Variants in AFAP1 observed in about 807,000 individuals in gnomAD.
AFAP1 encodes actin filament associated protein 1, also known as actin filament-associated protein 1.
AFAP1 carries 75 observed loss-of-function variants against 93.9 expected under a neutral mutation model. The ratio of observed to expected loss-of-function variants is 0.80; its 90% CI spans 0.66 to 0.97. The LOEUF (loss-of-function observed/expected upper bound fraction) is 0.97, where lower values mean the gene tolerates loss of function less well. Among genes scored for constraint, AFAP1 ranks in the 50% least tolerant of loss-of-function variants. The pLI is 0.00. For missense variants in AFAP1, 1,201 were observed against 1,050.8 expected (o/e 1.14, Z -1.98); for synonymous variants, 517 against 430.7 (o/e 1.20, Z -2.48).
intron 1 of AFAP1, among the ~76,000 whole-genome samples, chr4:7,923,836 A>G (rs1361535356): frequency 1.3e-5 from 2 of 152,016 alleles, no homozygotes; most frequent in Non-Finnish European, 2.9e-5. Flanking sequence ...TCTAACCCTA[A>G]TCACCTCCCA....
chr4:7,863,778 G>C (rs114533425), intron 3 of AFAP1, among the ~76,000 whole-genome samples: 1 of 152,124 alleles, frequency 6.6e-6, no homozygotes, highest in East Asian at 1.9e-4. Flanking sequence ...AACCTTATTT[G>C]TTAAAGAGTT....
chr4:7,759,559 T>C lies in AFAP1; in HGVS notation c.*4206A>G, dbSNP rs2285769. On this transcript the variant is annotated 3_prime_UTR_variant, in exon 18 of 18. Coordinates refer to ENST00000420658, the MANE Select transcript of AFAP1 (RefSeq NM_001134647.2). ...GCCCACCAAGGGGATAAGAAGACAG[T>C]GACAACCAGGAAAAAATGAATTATC... The C allele has an allele frequency of 0.1, 15,786 of 152,652 alleles. 1,344 individuals are homozygous for C. The highest frequency in any genetic ancestry group is 0.49 in the East Asian group (2,514 of 5,174). The allele number at this position is 152,652 out of a possible 1,614,324, so 9.5% of individuals were successfully genotyped here.
chr4:7,853,138 C>A (rs1038683395), intron 4 of AFAP1, among the ~76,000 whole-genome samples: 2 of 152,234 alleles, frequency 1.3e-5, no homozygotes, highest in South Asian at 4.2e-4. Flanking sequence ...TGGAATCACA[C>A]TTCCCAAAAT....
chr4:7,923,147 A>C (rs1720526933), intron 1 of AFAP1, among the ~76,000 whole-genome samples: 1 of 152,194 alleles, frequency 6.6e-6, no homozygotes, highest in East Asian at 1.9e-4. Context: ...AGACTCAATT[A>C]AGACATAAGC....
intron 3 of AFAP1, among the ~76,000 whole-genome samples, chr4:7,861,169 G>A (rs1312700440): frequency 6.6e-6 from 1 of 152,160 alleles, no homozygotes; most frequent in East Asian, 1.9e-4. Context: ...AATCTGTTAG[G>A]AGTAACAGCC....
chr4:7,856,014 C>T (rs777125802), intron 3 of AFAP1, among the ~76,000 whole-genome samples: 1 of 152,198 alleles, frequency 6.6e-6, no homozygotes, highest in African/African-American at 2.4e-5. Flanking sequence ...CTGCCACAGG[C>T]GGTGGGCTCC....
In AFAP1 at chr4:7,781,337, G is replaced by A. The variant is rs114644679; in HGVS notation, c.1782+39C>T. On this transcript the variant is annotated intron_variant, in intron 13 of 17. Coordinates refer to ENST00000420658, the MANE Select transcript of AFAP1 (RefSeq NM_001134647.2). ...AAACTCTGTTGGAGCAATGTGACTT[G>A]AAGGTGGTTCTAGAATCTTACAGAA... 2.0e-3 allele frequency: 3,051 copies of A among 1,544,868 alleles called. 44 individuals are homozygous for A. In the African/African-American group the frequency reaches 0.035, roughly 18 times the overall value.
chr4:7,849,197 C>T lies in AFAP1; in HGVS notation c.335-5847G>A, dbSNP rs964264266. On this transcript the variant is annotated intron_variant, in intron 4 of 17. Coordinates refer to ENST00000420658, the MANE Select transcript of AFAP1 (RefSeq NM_001134647.2). ...GGCCATAAGCAGGAGACCCACCAGG[C>T]GTCTCTCTTGGTTTCTGACCTCACT... Among the ~76,000 whole-genome samples, 7 of 152,134 alleles carry T rather than the reference C, an allele frequency of 4.6e-5. No homozygotes were observed. The South Asian group carries it at 1.5e-3, about 32-fold the overall frequency.
chr4:7,902,040 A>C (rs1719142987), intron 1 of AFAP1, among the ~76,000 whole-genome samples: 1 of 152,216 alleles, frequency 6.6e-6, no homozygotes, highest in Non-Finnish European at 1.5e-5. Context: ...ACAATAGAGA[A>C]GACAACTTTT....
chr4:7,797,258 T>A (rs960611491), intron 10 of AFAP1, among the ~76,000 whole-genome samples: 1 of 152,218 alleles, frequency 6.6e-6, no homozygotes, highest in Non-Finnish European at 1.5e-5. Flanking sequence ...GAGTCATTAA[T>A]GGATGCTGGA....
chr4:7,899,389 A>C (rs1434984841), intron 1 of AFAP1, among the ~76,000 whole-genome samples: 1 of 152,218 alleles, frequency 6.6e-6, no homozygotes, highest in Non-Finnish European at 1.5e-5. Context: ...TGACGAGTTA[A>C]GAACCGTTTG....
intron 6 of AFAP1, among the ~76,000 whole-genome samples, chr4:7,825,622 C>A (rs1721354457): frequency 6.6e-6 from 1 of 151,828 alleles, no homozygotes; most frequent in Admixed American, 6.6e-5. Flanking sequence ...GCCTTCAATG[C>A]ATGCATAAGG....
intron 5 of AFAP1, among the ~76,000 whole-genome samples, chr4:7,840,481 T>G (rs1365678873): frequency 6.6e-6 from 1 of 152,068 alleles, no homozygotes; most frequent in Admixed American, 6.5e-5. Context: ...ACTCGGCTAA[T>G]TTTTGTATTT....
At chr4:7,878,454 C>T (rs1451551147) in intron 1 of AFAP1, among the ~76,000 whole-genome samples, 4 of 152,204 alleles carry the variant, frequency 2.6e-5, no homozygotes, top group South Asian at 4.1e-4. Flanking sequence ...TTCCACTGCC[C>T]GACACAGGCT....
At chr4:7,778,626 G>A in intron 14 of AFAP1, 136 bp downstream of exon 14, 1 of 830,666 alleles carries the variant, frequency 1.2e-6, no homozygotes, top group Non-Finnish European at 2.1e-6. Context: ...GGCTGATGAG[G>A]AAGGATGACG....
rs1218004836 is a variant in AFAP1, at chr4:7,762,338, C to G, written c.*1427G>C. On this transcript the variant is annotated 3_prime_UTR_variant, in exon 18 of 18. Transcript: ENST00000420658. ...CAGTGGACAGAAGGAAGGCTTACACCAAGTATGGCACCTCTGTATTCTATG... is the reference window on the plus strand; with the variant it reads ...CAGTGGACAGAAGGAAGGCTTACACGAAGTATGGCACCTCTGTATTCTATG... The G allele has an allele frequency of 2.0e-5, 3 of 152,214 alleles. No homozygotes were observed. Among genetic ancestry groups the G allele is most frequent in the Admixed American group, 2.0e-4 (3 of 15,286 alleles). 9.4% of individuals were successfully genotyped at this position (152,214 alleles called of 1,614,324 possible). A position where few individuals can be genotyped will look rare whatever the true frequency, so the allele number is the denominator to read the frequency against.
chr4:7,926,797 C>A (rs571559147), intron 1 of AFAP1, among the ~76,000 whole-genome samples: 1 of 152,124 alleles, frequency 6.6e-6, no homozygotes, highest in Admixed American at 6.6e-5. Context: ...AGTGCAGCAG[C>A]GCACTATTAG....
chr4:7,796,279 TCTC>T (rs1160265761), intron 10 of AFAP1, among the ~76,000 whole-genome samples: 2 of 152,162 alleles, frequency 1.3e-5, no homozygotes, highest in African/African-American at 4.8e-5. Context: ...GCCTGGGGCA[TCTC>T]CTTGTGCCAC....
rs530686384 is a variant in AFAP1, at chr4:7,876,237, G to C, written c.-2-4157C>G. ...GCTGTGCAAAACCCTCCAGAGCCTGGGAGTTTGTCGTGGCCCTGGCCAAGG... is the reference window on the plus strand; with the variant it reads ...GCTGTGCAAAACCCTCCAGAGCCTGCGAGTTTGTCGTGGCCCTGGCCAAGG... On this transcript the variant is annotated intron_variant, in intron 1 of 17. Coordinates refer to ENST00000420658, the MANE Select transcript of AFAP1 (RefSeq NM_001134647.2). Among the ~76,000 whole-genome samples the C allele has an allele frequency of 1.4e-3, 206 of 152,294 alleles. 1 individual carries two copies. The highest frequency in any genetic ancestry group is 3.4e-3 in the Middle Eastern group (1 of 294).
Sources: allele counts gnomAD v4.1 joint callset (sites outside exome capture counted in the v4.1 genomes callset), GRCh38; gene constraint gnomAD v4.1.1; transcripts MANE v1.5; gene names NCBI Gene and HGNC (gene_info 2026-07-23, HGNC 2026-07-21).